APOBEC1: variants seen among roughly 807,000 people sequenced by gnomAD.
APOBEC1 encodes apolipoprotein B mRNA editing enzyme catalytic subunit 1, also known as C->U-editing enzyme APOBEC-1.
APOBEC1 carries 22 observed loss-of-function variants against 26.3 expected under a neutral mutation model. The observed-to-expected ratio is 0.84, with a 90% CI of 0.60 to 1.19. The LOEUF is 1.19. APOBEC1 is among the 50% of genes most tolerant of loss of function. The pLI is 0.00. For missense variants in APOBEC1, 253 were observed against 289.0 expected, an observed-to-expected ratio of 0.88 and a Z score of 0.90; for synonymous variants, 77 against 95.3, an observed-to-expected ratio of 0.81 and a Z score of 1.12.
chr12:7,650,102 C>A (rs994099175), intron 4 of APOBEC1, among the ~76,000 whole-genome samples: 2 of 152,150 alleles, frequency 1.3e-5, no homozygotes, highest in African/African-American at 4.8e-5. Context: ...CAAGCATGAG[C>A]CACTGCACCC....
chr12:7,669,348 T>C (rs142817605), upstream of APOBEC1, among the ~76,000 whole-genome samples: 225 of 152,304 alleles, frequency 1.5e-3, 7 homozygotes, highest in East Asian at 0.03. Context: ...CATTGCTGAA[T>C]AGTATTCCAT....
rs778791013 is a variant in APOBEC1, at chr12:7,652,667, C to A, written c.213G>T (p.Thr71=). 20 of 1,614,076 alleles carry A rather than the reference C, an allele frequency of 1.2e-5. No individual in the cohort carries two copies. Among genetic ancestry groups the A allele is most frequent in the Non-Finnish European group, 1.6e-5 (19 of 1,179,988 alleles). The change falls in exon 3 of 5, where the codon ACG becomes ACT. Residue 71 remains threonine, a synonymous_variant. Transcript: ENST00000229304. ...HVEVNFIKKF[T]SERDFHPSMS... is the part of the protein sequence containing the mutation. ...TGGATGGGTGAAAATCTCTTTCTGA[C>A]GTAAATTTTTTTATAAAATTAACTT...
intron 2 of APOBEC1, 43 bp downstream of exon 2, chr12:7,654,562 T>G (rs771691080): frequency 6.2e-7 from 1 of 1,604,384 alleles, no homozygotes; most frequent in South Asian, 1.1e-5. Context: ...ACCCATTGAT[T>G]CTTGATCAAA....
chr12:7,661,487 TGATA>T (rs60705558), intron 1 of APOBEC1, among the ~76,000 whole-genome samples: 7,761 of 150,974 alleles, frequency 0.051, 212 homozygotes, highest in African/African-American at 0.066. Flanking sequence ...TGATGACAGA[TGATA>T]GATAGATAGA....
At chr12:7,662,420 TA>T (rs1863832887) in intron 1 of APOBEC1, among the ~76,000 whole-genome samples, 1 of 150,980 alleles carries the variant, frequency 6.6e-6, no homozygotes, top group Non-Finnish European at 1.5e-5. Context: ...CTGTCTCTAC[TA>T]AAAATACAAA....
At chr12:7,660,367 G>GAAAGAAAAAGAAA (rs1565442341) in intron 1 of APOBEC1, among the ~76,000 whole-genome samples, 1 of 16,812 alleles carries the variant, frequency 5.9e-5, no homozygotes, top group African/African-American at 2.1e-4. Flanking sequence ...AAGGAAGGAA[G>GAAAGAAAAAGAAA]GAAGGAAGGA....
At position 7,649,422 on chromosome 12, in the gene APOBEC1, T is replaced by C. The variant is rs1863604147; in HGVS notation, c.*125A>G. 4 of 991,498 alleles carry C rather than the reference T, an allele frequency of 4.0e-6. No individual in the cohort carries two copies. Among genetic ancestry groups the C allele is most frequent in the South Asian group, 1.7e-5 (1 of 57,518 alleles). The allele number at this position is 991,498 out of a possible 1,614,324, so 61.4% of individuals were successfully genotyped here. ...AACTGCCAGAGGTAATACATATTTA[T>C]TGTTGGTTTAAGCTACAGAGTTTTG... is the stretch of plus-strand genomic sequence containing the variant. On this transcript the variant is annotated 3_prime_UTR_variant, in exon 5 of 5. Transcript: ENST00000229304.
At chr12:7,661,932 C>G (rs922645077) in intron 1 of APOBEC1, among the ~76,000 whole-genome samples, 1 of 152,158 alleles carries the variant, frequency 6.6e-6, no homozygotes, top group African/African-American at 2.4e-5. Flanking sequence ...TGGGGATTAT[C>G]TTGATCTCTC....
chr12:7,658,593 T>C (rs973458738), intron 1 of APOBEC1, among the ~76,000 whole-genome samples: 1 of 152,162 alleles, frequency 6.6e-6, no homozygotes, highest in Non-Finnish European at 1.5e-5. Context: ...GACCTCACTG[T>C]AAGAGGCTCA....
chr12:7,659,829 C>A (rs966133679), intron 1 of APOBEC1, among the ~76,000 whole-genome samples: 2 of 151,714 alleles, frequency 1.3e-5, no homozygotes, highest in South Asian at 2.1e-4. Context: ...ACTGGCCAGG[C>A]GTGGTGGCGG....
upstream of APOBEC1, among the ~76,000 whole-genome samples, chr12:7,666,761 G>C (rs1212283442): frequency 6.6e-6 from 1 of 152,112 alleles, no homozygotes; most frequent in Non-Finnish European, 1.5e-5. Flanking sequence ...TTTGCTCTCT[G>C]TCCTACATCC....
chr12:7,661,113 G>A (rs759342484), intron 1 of APOBEC1, among the ~76,000 whole-genome samples: 1 of 150,376 alleles, frequency 6.6e-6, no homozygotes, highest in South Asian at 2.1e-4. Flanking sequence ...GGCTGCAGCA[G>A]GAGAATGGCG....
chr12:7,665,802 CA>C (rs1315912488), intron 1 of APOBEC1, 54 bp downstream of exon 1: 13 of 1,326,238 alleles, frequency 9.8e-6, no homozygotes, highest in South Asian at 2.3e-5. Flanking sequence ...CACACACACA[CA>C]CACCATTCTT....
In APOBEC1 at chr12:7,652,443, G is replaced by C. The variant is rs141238129; in HGVS notation, c.437C>G (p.Ala146Gly). The change falls in exon 3 of 5, where the codon GCA becomes GGA. Residue 146 changes from alanine (A) to glycine (G), a missense_variant. Physicochemically the swap from Ala to Gly is moderately conservative, Grantham distance 60. Transcript: ENST00000229304. The part of the protein sequence containing the change: ...NSGVTIQIMR[A>G]SEYYHCWRNF... ...TCTTTGTTTACTGTTTTTACCTGATGCTCTCATAATCTGAATAGTTACTCC... is the reference window on the plus strand; with the variant it reads ...TCTTTGTTTACTGTTTTTACCTGATCCTCTCATAATCTGAATAGTTACTCC... 70 of 1,606,376 alleles carry C rather than the reference G, an allele frequency of 4.4e-5. No homozygotes were observed. The African/African-American group carries it at 9.3e-4, about 21-fold the overall frequency.
upstream of APOBEC1, among the ~76,000 whole-genome samples, chr12:7,666,357 A>G (rs1397263033): frequency 1.3e-5 from 2 of 151,094 alleles, no homozygotes; most frequent in African/African-American, 4.9e-5. Flanking sequence ...GCAATGGCAC[A>G]ATCTTGGCTC....
chr12:7,655,643 T>C (rs1390724096), intron 1 of APOBEC1, among the ~76,000 whole-genome samples: 1 of 151,668 alleles, frequency 6.6e-6, no homozygotes, highest in Admixed American at 6.6e-5. Flanking sequence ...ACCATGGTGG[T>C]GGAGTAGTTT....
At chr12:7,655,867 C>G (rs1353116180) in intron 1 of APOBEC1, among the ~76,000 whole-genome samples, 2 of 152,174 alleles carry the variant, frequency 1.3e-5, no homozygotes, top group African/African-American at 4.8e-5. Context: ...ACACCTGTGG[C>G]TACTTGAGTG....
chr12:7,660,628 G>A (rs777662728), intron 1 of APOBEC1, among the ~76,000 whole-genome samples: 11 of 150,506 alleles, frequency 7.3e-5, no homozygotes, highest in South Asian at 2.1e-4. Context: ...GCTTGAACCC[G>A]GGAGGCGGAG....
intron 3 of APOBEC1, 91 bp from the exon 4 acceptor site, chr12:7,651,232 G>T: frequency 1.2e-6 from 1 of 865,542 alleles, no homozygotes; most frequent in Non-Finnish European, 1.9e-6. Flanking sequence ...TAGAAAGCCT[G>T]TAGTCTCTAG....
Sources: gnomAD v4.1 joint callset for allele counts (sites outside exome capture counted in the v4.1 genomes callset) on GRCh38, gnomAD v4.1.1 for gene constraint, MANE v1.5 for transcripts, NCBI Gene and HGNC (gene_info 2026-07-23, HGNC 2026-07-21) for gene names.